Variants in NBEAL1 observed in about 807,000 individuals in gnomAD.
The protein encoded by NBEAL1 is neurobeachin like 1, also known as neurobeachin-like protein 1.
In NBEAL1, 273 loss-of-function variants were observed where a neutral mutation model predicts 351.3. The observed-to-expected ratio is 0.78, with a 90% CI of 0.70 to 0.86. NBEAL1 has a LOEUF of 0.86. Among genes scored for constraint, NBEAL1 ranks in the 40% least tolerant of loss-of-function variants. The pLI is 0.00. For synonymous variants in NBEAL1, 1,050 were observed against 1,086.4 expected, an observed-to-expected ratio of 0.97 and a Z score of 0.66; for missense variants, 2,961 against 3,201.3, an observed-to-expected ratio of 0.92 and a Z score of 1.81.
At chr2:203,056,216 C>T (rs2061399213) in intron 4 of NBEAL1, among the ~76,000 whole-genome samples, 2 of 152,066 alleles carry the variant, frequency 1.3e-5, no homozygotes, top group African/African-American at 4.8e-5. Flanking sequence ...ACTTTTTAAA[C>T]ATTATCTGTT....
At chr2:203,089,303 G>A (rs1488909676) in intron 10 of NBEAL1, among the ~76,000 whole-genome samples, 1 of 150,942 alleles carries the variant, frequency 6.6e-6, no homozygotes, top group Non-Finnish European at 1.5e-5. Context: ...AGGTTGCAGT[G>A]AGCCGAGATC....
chr2:203,144,940 C>T, intron 32 of NBEAL1, 35 bp downstream of exon 32: 1 of 1,525,188 alleles, frequency 6.6e-7, no homozygotes, highest in South Asian at 1.3e-5. Flanking sequence ...GATTTTTCTG[C>T]TAATTTACCA....
Position 203,223,518 on chromosome 2 carries a change from C to T in NBEAL1, c.*6164C>T, listed in dbSNP as rs941677497. Among the ~76,000 whole-genome samples, 1 of 151,860 alleles carries T rather than the reference C, an allele frequency of 6.6e-6. No individual in the cohort carries two copies. The highest frequency in any genetic ancestry group is 2.4e-5 in the African/African-American group (1 of 41,352). On this transcript the variant is annotated 3_prime_UTR_variant, in exon 56 of 56. Coordinates refer to ENST00000683969, the MANE Select transcript of NBEAL1 (RefSeq NM_001378026.1). ...TTTCAGTGTACAGAGTGATTAGCGG[C>T]TTGTAATGCTGTTACAATGTAGCAT...
rs2065938661 is a variant in NBEAL1 at position 203,220,078 on chromosome 2, C to A, written c.*2724C>A. On this transcript the variant is annotated 3_prime_UTR_variant, in exon 56 of 56. Coordinates refer to ENST00000683969, the MANE Select transcript of NBEAL1 (RefSeq NM_001378026.1). ...GAATTCTGGTATATTTAGATGTTAC[C>A]CATAGAAATTAGTTATATATTATAT... Among the ~76,000 whole-genome samples, 1 of 151,820 alleles carries A rather than the reference C, an allele frequency of 6.6e-6. No homozygotes were observed. Among genetic ancestry groups the A allele is most frequent in the Non-Finnish European group, 1.5e-5 (1 of 67,968 alleles).
intron 47 of NBEAL1, among the ~76,000 whole-genome samples, chr2:203,194,928 T>C (rs961025104): frequency 2.0e-5 from 3 of 152,206 alleles, no homozygotes; most frequent in Non-Finnish European, 4.4e-5. Flanking sequence ...CCGGGCGCAG[T>C]GGCTCACGCC....
chr2:203,124,784 G>A (rs990540910), intron 19 of NBEAL1, among the ~76,000 whole-genome samples: 6 of 151,930 alleles, frequency 3.9e-5, no homozygotes, highest in African/African-American at 1.5e-4. Flanking sequence ...TTATGAAGTG[G>A]GTGTTACTAT....
chr2:203,179,457 G>C lies in NBEAL1; in HGVS notation c.6465-925G>C, dbSNP rs905775005. On this transcript the variant is annotated intron_variant, in intron 42 of 55. Transcript: ENST00000683969. ...TGAATAGCCACTGCACTCCAGTCTG[G>C]GCAACATAGTGAGACCCTCATCTCT... Among the ~76,000 whole-genome samples the C allele has an allele frequency of 3.2e-4, 48 of 151,856 alleles. 1 individual carries two copies. The highest frequency in any genetic ancestry group is 3.1e-3 in the Admixed American group (48 of 15,246).
chr2:203,138,317 T>C lies in NBEAL1; in HGVS notation c.4719+2T>C. 1 of 1,604,450 alleles carries C rather than the reference T, an allele frequency of 6.2e-7. No individual in the cohort carries two copies. On this transcript the variant is annotated splice_donor_variant, in intron 30 of 55. Transcript: ENST00000683969. LOFTEE classifies it high-confidence loss of function. ...AATTCAAACATGTGGACCGAGAAGG[T>C]GCAGTAATATCTCTTTAAAATTATA...
At chr2:203,092,995 G>A (rs972206061) in intron 10 of NBEAL1, among the ~76,000 whole-genome samples, 1 of 152,082 alleles carries the variant, frequency 6.6e-6, no homozygotes, top group Non-Finnish European at 1.5e-5. Context: ...CACTTTGGGA[G>A]GCTGAGGCAG....
At chr2:203,183,191 C>A in intron 43 of NBEAL1, 88 bp from the exon 44 acceptor site, 1 of 634,374 alleles carries the variant, frequency 1.6e-6, no homozygotes, top group Non-Finnish European at 2.7e-6. Flanking sequence ...ATATGTTTTG[C>A]TTAGGAATGT....
chr2:203,026,027 C>G (rs1288893135), intron 2 of NBEAL1, among the ~76,000 whole-genome samples: 1 of 152,160 alleles, frequency 6.6e-6, no homozygotes, highest in East Asian at 1.9e-4. Flanking sequence ...CCCTCCCCTT[C>G]TAATTCTTCT....
chr2:203,081,978 C>G (rs1284258186), intron 8 of NBEAL1, among the ~76,000 whole-genome samples: 1 of 152,138 alleles, frequency 6.6e-6, no homozygotes, highest in Non-Finnish European at 1.5e-5. Context: ...ATGGTGCACA[C>G]CTGTGGTCCC....
intron 6 of NBEAL1, among the ~76,000 whole-genome samples, chr2:203,067,445 G>A (rs968255888): frequency 1.3e-5 from 2 of 152,178 alleles, no homozygotes; most frequent in Non-Finnish European, 2.9e-5. Flanking sequence ...CTGTCACTGA[G>A]TCCAGCTATG....
chr2:203,099,977 A>G (rs542609500), intron 12 of NBEAL1, among the ~76,000 whole-genome samples: 4 of 152,088 alleles, frequency 2.6e-5, no homozygotes, highest in Non-Finnish European at 5.9e-5. Context: ...GCTCCCACTT[A>G]TATGTAAAAA....
intron 6 of NBEAL1, chr2:203,061,188 A>G (rs1310854284): frequency 6.6e-6 from 1 of 152,122 alleles, no homozygotes; most frequent in Non-Finnish European, 1.5e-5. Context: ...GAACCCTTTT[A>G]TGTCCTTGAA....
chr2:203,171,960 C>G lies in NBEAL1; in HGVS notation c.6135C>G (p.Asp2045Glu). ...KWVNREISNF[D>E]YLIQINTMAG... is the part of the protein sequence containing the mutation. ...TAAACAGAGAGATATCAAATTTTGA[C>G]TACCTCATTCAAATAAATACAATGG... The change falls in exon 40 of 56, where the codon GAC (aspartate) becomes GAG (glutamate). Residue 2045 changes from aspartate (D) to glutamate (E), a missense_variant. By Grantham distance (45) the Asp-to-Glu change is conservative (BLOSUM62 2). Coordinates refer to ENST00000683969, the MANE Select transcript of NBEAL1 (RefSeq NM_001378026.1). 1 of 1,604,582 alleles carries G rather than the reference C, an allele frequency of 6.2e-7. No homozygotes were observed. Among genetic ancestry groups the G allele is most frequent in the Non-Finnish European group, 8.5e-7 (1 of 1,176,708 alleles).
At chr2:203,064,982 G>T (rs1378215642) in intron 6 of NBEAL1, among the ~76,000 whole-genome samples, 1 of 152,204 alleles carries the variant, frequency 6.6e-6, no homozygotes, top group Non-Finnish European at 1.5e-5. Flanking sequence ...ATGGGGCCCT[G>T]CACAGTGGCT....
intron 3 of NBEAL1, among the ~76,000 whole-genome samples, chr2:203,043,887 C>G (rs1382950197): frequency 6.6e-6 from 1 of 152,066 alleles, no homozygotes; most frequent in Non-Finnish European, 1.5e-5. Context: ...AGAATTGAGT[C>G]TAGAGAATCA....
intron 18 of NBEAL1, among the ~76,000 whole-genome samples, chr2:203,116,592 G>A (rs1392915672): frequency 6.7e-5 from 10 of 148,396 alleles, no homozygotes; most frequent in South Asian, 6.3e-4. Flanking sequence ...GCAACATAGC[G>A]AGACCCCTGT....
Sources: gnomAD v4.1 joint callset for allele counts (sites outside exome capture counted in the v4.1 genomes callset) on GRCh38, gnomAD v4.1.1 for gene constraint, MANE v1.5 for transcripts, NCBI Gene and HGNC (gene_info 2026-07-23, HGNC 2026-07-21) for gene names.